OSCP1: variants seen among roughly 807,000 people sequenced by gnomAD.
The protein encoded by OSCP1 is organic solute carrier partner 1.
A neutral mutation model predicts 45.1 loss-of-function variants in OSCP1; 35 were observed. The ratio of observed to expected loss-of-function variants is 0.78; its 90% confidence interval spans 0.59 to 1.03. The LOEUF is 1.03. Among genes scored for constraint, OSCP1 ranks in the 50% least tolerant of loss-of-function variants. OSCP1 has a pLI of 0.00. For missense variants in OSCP1, 400 were observed against 470.7 expected, an observed-to-expected ratio of 0.85 and a Z score of 1.39; for synonymous variants, 179 against 180.1, an observed-to-expected ratio of 0.99 and a Z score of 0.05.
intron 1 of OSCP1, among the ~76,000 whole-genome samples, chr1:36,444,801 T>C (rs1246091280): frequency 6.6e-6 from 1 of 152,176 alleles, no homozygotes; most frequent in Non-Finnish European, 1.5e-5. Context: ...TCAAGCAACT[T>C]GTTTAACCTC....
intron 8 of OSCP1, 196 bp downstream of exon 8, chr1:36,420,278 ATC>A (rs2124773309): frequency 4.6e-6 from 3 of 657,346 alleles, no homozygotes; most frequent in South Asian, 4.7e-5. Flanking sequence ...ACCCGGCCCC[ATC>A]TCTTTTTTTG....
Position 36,450,397 on chromosome 1 carries a change from A to C in OSCP1, c.-28T>G, listed in dbSNP as rs1435903743. ...TGCTGGAAACGAGCTGGACTGGTGA[A>C]GAGCCCCGGGGTTCGGTAGCCAGTG... On this transcript the variant is annotated 5_prime_UTR_variant, in exon 1 of 10. Transcript: ENST00000235532. 1 of 1,595,234 alleles carries C rather than the reference A, an allele frequency of 6.3e-7. No individual in the cohort carries two copies. Among genetic ancestry groups the C allele is most frequent in the South Asian group, 1.1e-5 (1 of 90,664 alleles).
chr1:36,423,044 C>T (rs752054473), intron 5 of OSCP1, 148 bp from the exon 6 acceptor site: 15 of 511,252 alleles, frequency 2.9e-5, no homozygotes, highest in Non-Finnish European at 3.4e-5. Flanking sequence ...AATAATAATA[C>T]AATAATAATA....
intron 1 of OSCP1, among the ~76,000 whole-genome samples, chr1:36,446,429 C>T (rs1010399820): frequency 2.0e-5 from 3 of 152,200 alleles, no homozygotes; most frequent in Non-Finnish European, 4.4e-5. Context: ...AGTGGTGCTG[C>T]AAGGGGGTCA....
At position 36,423,462 on chromosome 1, in the gene OSCP1, G is replaced by A. The variant is rs1204731584; in HGVS notation, c.521C>T (p.Ser174Phe). 1 of 1,600,004 alleles carries A rather than the reference G, an allele frequency of 6.2e-7. No individual in the cohort carries two copies. Among genetic ancestry groups the A allele is most frequent in the South Asian group, 1.1e-5 (1 of 89,158 alleles). Residue 174 changes from serine to phenylalanine, a missense_variant, in exon 5 of 10, where the codon TCC (serine) becomes TTC (phenylalanine). Physicochemically the swap from Ser to Phe is radical, Grantham distance 155. Transcript: ENST00000235532. ...IFFQDLHIRVSMFLKDKVQNN... is the reference protein window; with the variant it reads ...IFFQDLHIRVFMFLKDKVQNN... ...CTGAACTTTGTCCTTTAGAAACATGGATACCTGGAAAAAAATACATTTATT... is the reference window on the plus strand; with the variant it reads ...CTGAACTTTGTCCTTTAGAAACATGAATACCTGGAAAAAAATACATTTATT...
rs1394685771 is a variant in OSCP1 at position 36,418,182 on chromosome 1, G to T, written c.1097C>A (p.Thr366Asn). The T allele has an allele frequency of 1.9e-6, 3 of 1,614,066 alleles. No individual in the cohort carries two copies. Among genetic ancestry groups the T allele is most frequent in the African/African-American group, 1.3e-5 (1 of 74,932 alleles). The part of the protein sequence containing the change: ...FEITEQPRLS[T>N]SKGDDLLAMM... ...GGCGAGCAAATCGTCCCCTTTGCTG[G>T]TGCTCAGCCTTGGCTGCTCCGTGAT... is the stretch of plus-strand genomic sequence containing the variant. Residue 366 changes from threonine (T) to asparagine (N), a missense_variant, in exon 10 of 10, where the codon ACC (threonine) becomes AAC (asparagine). Transcript: ENST00000235532.
chr1:36,426,436 C>G (rs1001553947), intron 4 of OSCP1, among the ~76,000 whole-genome samples: 1 of 152,158 alleles, frequency 6.6e-6, no homozygotes, highest in African/African-American at 2.4e-5. Flanking sequence ...TCCCAGATCT[C>G]AAGGTCCCAC....
intron 7 of OSCP1, among the ~76,000 whole-genome samples, chr1:36,421,686 T>C (rs1290016602): frequency 6.6e-6 from 1 of 152,258 alleles, no homozygotes; most frequent in Non-Finnish European, 1.5e-5. Context: ...TTTAATATTC[T>C]GTGATCTCTC....
intron 4 of OSCP1, among the ~76,000 whole-genome samples, chr1:36,429,506 G>A (rs942388968): frequency 2.1e-5 from 3 of 146,098 alleles, no homozygotes; most frequent in Non-Finnish European, 4.5e-5. Flanking sequence ...CTGTCCAAGA[G>A]AGACACATTC....
At chr1:36,418,501 T>C in intron 9 of OSCP1, 1 of 551,160 alleles carries the variant, frequency 1.8e-6, no homozygotes, top group Non-Finnish European at 3.2e-6. Flanking sequence ...ATGGGTATAG[T>C]TAAGAAACAA....
chr1:36,449,835 CAAAAAAAAAAAAAA>C lies in OSCP1; in HGVS notation c.112+409_112+422del, dbSNP rs67376533. Among the ~76,000 whole-genome samples the C allele has an allele frequency of 6.4e-4, 13 of 20,338 alleles. No individual in the cohort carries two copies. In the East Asian group the frequency reaches 8.0e-3, roughly 13 times the overall value. The allele number at this position is 20,338 out of a possible 152,430, so 13.3% of individuals were successfully genotyped here. On this transcript the variant is annotated intron_variant, in intron 1 of 9. Coordinates refer to ENST00000235532, the MANE Select transcript of OSCP1 (RefSeq NM_145047.5). ...TGGGCGACAGAGCGAGACCCTGTCT[CAAAAAAAAAAAAAA>C]AAAAAAAAAAAAAAAAAAATCAGAA... is the stretch of plus-strand genomic sequence containing the variant.
intron 1 of OSCP1, among the ~76,000 whole-genome samples, chr1:36,441,644 G>A (rs908933791): frequency 1.3e-5 from 2 of 150,928 alleles, no homozygotes; most frequent in East Asian, 3.9e-4. Context: ...CCCAGCTACC[G>A]GGAGGCTGAG....
intron 1 of OSCP1, among the ~76,000 whole-genome samples, chr1:36,443,696 C>G (rs1649335946): frequency 6.6e-6 from 1 of 152,136 alleles, no homozygotes; most frequent in Admixed American, 6.5e-5. Flanking sequence ...ATGACATACC[C>G]CAAAGTATGG....
intron 3 of OSCP1, 102 bp downstream of exon 3, chr1:36,432,320 C>G: frequency 2.3e-5 from 32 of 1,372,088 alleles, no homozygotes; most frequent in Non-Finnish European, 2.8e-5. Flanking sequence ...CAGGCTTTGC[C>G]ATTCCTCATC....
At chr1:36,430,760 T>C (rs1382155508) in intron 4 of OSCP1, among the ~76,000 whole-genome samples, 1 of 152,206 alleles carries the variant, frequency 6.6e-6, no homozygotes, top group East Asian at 1.9e-4. Flanking sequence ...GTTCAAGCAA[T>C]TCTCCTGCCT....
intron 8 of OSCP1, 139 bp downstream of exon 8, chr1:36,420,337 G>T: frequency 9.1e-7 from 1 of 1,098,822 alleles, no homozygotes. Flanking sequence ...GGGCTATTTA[G>T]ATTATTAAAT....
At chr1:36,439,425 G>C (rs1023209158) in intron 1 of OSCP1, among the ~76,000 whole-genome samples, 6 of 152,112 alleles carry the variant, frequency 3.9e-5, no homozygotes, top group African/African-American at 1.4e-4. Flanking sequence ...GATCACTTGA[G>C]CCCAGGAATT....
chr1:36,444,285 G>C (rs990319863), intron 1 of OSCP1, among the ~76,000 whole-genome samples: 5 of 152,180 alleles, frequency 3.3e-5, no homozygotes, highest in African/African-American at 1.2e-4. Flanking sequence ...AGAGTAAACT[G>C]AGGAGGATTA....
chr1:36,424,554 A>C (rs1269422883), intron 4 of OSCP1, among the ~76,000 whole-genome samples: 3 of 152,206 alleles, frequency 2.0e-5, no homozygotes, highest in Non-Finnish European at 4.4e-5. Context: ...TGAGGATTCA[A>C]ACTCCTGTGA....
Sources: gnomAD v4.1 joint callset for allele counts (sites outside exome capture counted in the v4.1 genomes callset) on GRCh38, gnomAD v4.1.1 for gene constraint, MANE v1.5 for transcripts, NCBI Gene and HGNC (gene_info 2026-07-23, HGNC 2026-07-21) for gene names.